The following USP10 variants were observed in gnomAD, a reference collection of about 807,000 sequenced individuals.
USP10 encodes ubiquitin specific peptidase 10.
Under a neutral mutation model 84.5 loss-of-function variants are expected in USP10, and 22 were observed. That is an observed-to-expected ratio of 0.26 (90% CI 0.19 to 0.37). The LOEUF is 0.37. USP10 is among the 10% of genes least tolerant of loss of function. The pLI is 1.00. For synonymous variants in USP10, 454 were observed against 387.6 expected, an observed-to-expected ratio of 1.17 and a Z score of -2.01; for missense variants, 1,019 against 998.9, an observed-to-expected ratio of 1.02 and a Z score of -0.27.
At chr16:84,763,810 T>C (rs1044871546) in intron 9 of USP10, among the ~76,000 whole-genome samples, 5 of 152,192 alleles carry the variant, frequency 3.3e-5, no homozygotes, top group Non-Finnish European at 5.9e-5. Context: ...TTGGTTGCCG[T>C]GGATCCAGTG....
chr16:84,743,500 G>A (rs897878126), intron 3 of USP10, among the ~76,000 whole-genome samples: 5 of 152,032 alleles, frequency 3.3e-5, no homozygotes, highest in Non-Finnish European at 7.4e-5. Flanking sequence ...TCAGTTCTCC[G>A]CAGTAGAACA....
intron 13 of USP10, among the ~76,000 whole-genome samples, chr16:84,778,423 CTCA>C (rs1484050668): frequency 6.6e-6 from 1 of 152,170 alleles, no homozygotes; most frequent in Admixed American, 6.5e-5. Flanking sequence ...ATATAATTTA[CTCA>C]TCAGTCATTT....
chr16:84,753,775 C>T (rs1305795311), intron 4 of USP10, among the ~76,000 whole-genome samples: 3 of 152,338 alleles, frequency 2.0e-5, no homozygotes, highest in African/African-American at 4.8e-5. Flanking sequence ...CAACTTTAAT[C>T]TCCAGATGTT....
intron 2 of USP10, among the ~76,000 whole-genome samples, 166 bp from the exon 3 acceptor site, chr16:84,740,143 A>G (rs767240707): frequency 6.6e-6 from 1 of 152,230 alleles, no homozygotes; most frequent in African/African-American, 2.4e-5. Context: ...TTAAATGAAG[A>G]TGATTTAGAT....
chr16:84,717,969 G>T (rs1183916161), intron 1 of USP10, among the ~76,000 whole-genome samples: 2 of 152,186 alleles, frequency 1.3e-5, no homozygotes, highest in Admixed American at 1.3e-4. Flanking sequence ...ATTTGTGATG[G>T]AAAGGGTATA....
chr16:84,736,335 A>T, intron 2 of USP10, among the ~76,000 whole-genome samples: 3 of 152,348 alleles, frequency 2.0e-5, no homozygotes, highest in Admixed American at 2.0e-4. Flanking sequence ...AAGATGAAAG[A>T]GCATTCTGCC....
At chr16:84,722,115 G>C (rs1276408621) in intron 1 of USP10, among the ~76,000 whole-genome samples, 1 of 152,204 alleles carries the variant, frequency 6.6e-6, no homozygotes, top group Non-Finnish European at 1.5e-5. Flanking sequence ...TCCCCACCTT[G>C]TCCAGGCAGC....
rs1371205830 is a variant in USP10 at position 84,745,123 on chromosome 16, C to T, written c.642C>T (p.Asn214=). 1 of 1,613,612 alleles carries T rather than the reference C, an allele frequency of 6.2e-7. No homozygotes were observed. Among genetic ancestry groups the T allele is most frequent in the Non-Finnish European group, 8.5e-7 (1 of 1,179,704 alleles). Residue 214 remains asparagine (N), a synonymous_variant, in exon 4 of 14, where the codon AAC becomes AAT. Transcript: ENST00000219473. ...CCAGGACTTGTAACAGCCCCCAGAA[C>T]TCCACAGACTCTGTCAGTGACATTG... ...VTPRTCNSPQ[N]STDSVSDIVP...
intron 1 of USP10, among the ~76,000 whole-genome samples, chr16:84,700,646 G>T (rs186466717): frequency 6.6e-6 from 1 of 152,328 alleles, no homozygotes; most frequent in East Asian, 1.9e-4. Context: ...TTTTTAGATA[G>T]AAGTAGCAGA....
chr16:84,720,863 T>C (rs982279003), intron 1 of USP10, among the ~76,000 whole-genome samples: 10 of 149,898 alleles, frequency 6.7e-5, no homozygotes, highest in Non-Finnish European at 1.0e-4. Context: ...ATTACAGTCC[T>C]GGGCCACCGC....
intron 1 of USP10, chr16:84,704,793 A>G (rs1597258081): frequency 6.5e-7 from 1 of 1,535,568 alleles, no homozygotes; most frequent in South Asian, 1.2e-5. Flanking sequence ...CAGAAGCTCT[A>G]CCAGCACTGC....
chr16:84,750,637 A>G (rs1442899423), intron 4 of USP10, among the ~76,000 whole-genome samples: 15 of 152,200 alleles, frequency 9.9e-5, no homozygotes, highest in Admixed American at 9.2e-4. Context: ...CATTCCTCAT[A>G]TACTAGACGA....
At chr16:84,730,432 G>T (rs1219669020) in intron 1 of USP10, among the ~76,000 whole-genome samples, 3 of 152,000 alleles carry the variant, frequency 2.0e-5, no homozygotes, top group Non-Finnish European at 2.9e-5. Context: ...TTGACATGAA[G>T]TTATAATAAA....
intron 2 of USP10, among the ~76,000 whole-genome samples, chr16:84,735,199 G>A (rs755306546): frequency 0.03 from 900 of 29,944 alleles, 11 homozygotes; most frequent in South Asian, 0.12. Context: ...CCCGGGTGGT[G>A]TGTGTGTGTG....
chr16:84,703,394 T>C (rs947485953), intron 1 of USP10, among the ~76,000 whole-genome samples: 11 of 152,240 alleles, frequency 7.2e-5, no homozygotes, highest in African/African-American at 2.7e-4. Context: ...TGTCCTTGTC[T>C]CTGCATAGAC....
chr16:84,734,568 G>A (rs984265585), intron 2 of USP10, among the ~76,000 whole-genome samples: 1 of 152,180 alleles, frequency 6.6e-6, no homozygotes, highest in African/African-American at 2.4e-5. Flanking sequence ...TCACATGTTA[G>A]GTGAACCCTT....
At chr16:84,729,071 T>C (rs1908884215) in intron 1 of USP10, among the ~76,000 whole-genome samples, 1 of 152,222 alleles carries the variant, frequency 6.6e-6, no homozygotes, top group Non-Finnish European at 1.5e-5. Context: ...GTGACGAGAT[T>C]ACAAGCGTGA....
chr16:84,744,339 T>C (rs1396426771), intron 3 of USP10, among the ~76,000 whole-genome samples: 3 of 152,158 alleles, frequency 2.0e-5, no homozygotes, highest in African/African-American at 4.8e-5. Context: ...ATTTTTAAAA[T>C]TGGCAAAATA....
Position 84,710,237 on chromosome 16 carries a change from C to G in USP10, c.21+10126C>G, listed in dbSNP as rs75313123. Among the ~76,000 whole-genome samples the G allele has an allele frequency of 2.3e-3, 335 of 148,760 alleles. 3 individuals are homozygous for G. The highest frequency in any genetic ancestry group is 8.1e-3 in the African/African-American group (324 of 40,142). ...GTGAGCCAGACTGTGCCACTGCACT[C>G]TAGCCTGGGCAACAGAGCAGACTCC... is the stretch of plus-strand genomic sequence containing the variant. On this transcript the variant is annotated intron_variant, in intron 1 of 13. Coordinates refer to ENST00000219473, the MANE Select transcript of USP10 (RefSeq NM_005153.3).
Sources: allele counts gnomAD v4.1 joint callset (sites outside exome capture counted in the v4.1 genomes callset), GRCh38; gene constraint gnomAD v4.1.1; transcripts MANE v1.5; gene names NCBI Gene and HGNC (gene_info 2026-07-23, HGNC 2026-07-21).